FAAH2: variants seen among roughly 807,000 people sequenced by gnomAD.
FAAH2 encodes fatty acid amide hydrolase 2.
Under a neutral mutation model 36.9 loss-of-function variants are expected in FAAH2, and 60 were observed. The observed-to-expected ratio is 1.63, with a 90% CI of 1.32 to 2.02. The LOEUF (loss-of-function observed/expected upper bound fraction) is 2.02, where lower values mean the gene tolerates loss of function less well. FAAH2 is among the 30% of genes most tolerant of loss of function. FAAH2 has a pLI of 0.00. For missense variants in FAAH2, 689 were observed against 397.5 expected, an observed-to-expected ratio of 1.73 and a Z score of -6.23; for synonymous variants, 214 against 143.8, an observed-to-expected ratio of 1.49 and a Z score of -3.49.
intron 10 of FAAH2, among the ~76,000 whole-genome samples, chrX:57,474,199 T>C (rs1438552385): frequency 5.4e-5 from 6 of 111,747 alleles, no homozygotes; most frequent in Non-Finnish European, 9.4e-5. Context: ...TGGTGATTTT[T>C]TTAAAATTTT....
intron 7 of FAAH2, among the ~76,000 whole-genome samples, chrX:57,404,369 A>G (rs1275333388): frequency 8.9e-6 from 1 of 112,189 alleles, no homozygotes; most frequent in African/African-American, 3.2e-5. Flanking sequence ...GTGGAAGGAC[A>G]TTCGCTCATT....
chrX:57,446,730 C>T (rs1378240148), intron 8 of FAAH2, among the ~76,000 whole-genome samples, 198 bp from the exon 9 acceptor site: 1 of 111,623 alleles, frequency 9.0e-6, no homozygotes, highest in Non-Finnish European at 1.9e-5. Context: ...CAAGTTTTAT[C>T]TATATTGTAT....
the FAAH2 span, among the ~76,000 whole-genome samples, chrX:57,270,967 C>T: frequency 3.4e-4 from 38 of 112,038 alleles, no homozygotes; most frequent in African/African-American, 1.2e-3. Flanking sequence ...GCATAGAATG[C>T]CAATGAGACA....
intron 5 of FAAH2, among the ~76,000 whole-genome samples, chrX:57,357,096 T>C (rs1357171555): frequency 9.0e-6 from 1 of 111,543 alleles, no homozygotes; most frequent in Non-Finnish European, 1.9e-5. Context: ...AGATTTCCTA[T>C]TTAATAAATG....
At chrX:57,181,401 AAATC>A in the FAAH2 span, among the ~76,000 whole-genome samples, 2 of 112,028 alleles carry the variant, frequency 1.8e-5, no homozygotes, top group South Asian at 7.4e-4. Context: ...TTAGAATTTG[AAATC>A]AATGTACAAA....
chrX:57,413,270 T>C (rs1194399605), intron 7 of FAAH2, among the ~76,000 whole-genome samples: 1 of 112,443 alleles, frequency 8.9e-6, no homozygotes, highest in East Asian at 2.8e-4. Flanking sequence ...CCATTGCTTT[T>C]GGTGTTTTAG....
At chrX:57,455,624 A>T (rs990330835) in intron 10 of FAAH2, among the ~76,000 whole-genome samples, 1 of 112,111 alleles carries the variant, frequency 8.9e-6, no homozygotes, top group Non-Finnish European at 1.9e-5. Flanking sequence ...CAAATAGAAA[A>T]CAACAACAAC....
chrX:57,328,319 C>G (rs1034943172), intron 3 of FAAH2, among the ~76,000 whole-genome samples: 3 of 111,892 alleles, frequency 2.7e-5, no homozygotes, highest in African/African-American at 9.8e-5. Flanking sequence ...TGTCCATTCT[C>G]AGATCTCAAG....
the FAAH2 span, among the ~76,000 whole-genome samples, chrX:57,173,785 T>A: frequency 1.8e-5 from 2 of 111,960 alleles, no homozygotes; most frequent in Non-Finnish European, 3.8e-5. Context: ...AAAGAAATGC[T>A]AGATATTATT....
At chrX:57,304,694 A>G (rs1379922131) in intron 2 of FAAH2, among the ~76,000 whole-genome samples, 1 of 111,983 alleles carries the variant, frequency 8.9e-6, no homozygotes, top group Non-Finnish European at 1.9e-5. Flanking sequence ...AGTTATATTT[A>G]TAAAGGGAAA....
the FAAH2 span, among the ~76,000 whole-genome samples, chrX:57,209,807 G>A: frequency 9.0e-6 from 1 of 111,196 alleles, no homozygotes; most frequent in Non-Finnish European, 1.9e-5. Flanking sequence ...GTTATTTAGG[G>A]CCCCATAGCA....
chrX:57,356,926 C>G (rs1462964345), intron 5 of FAAH2, among the ~76,000 whole-genome samples: 1 of 110,835 alleles, frequency 9.0e-6, no homozygotes, highest in Non-Finnish European at 1.9e-5. Flanking sequence ...TTTTCTACTG[C>G]TATCCCTCCC....
intron 7 of FAAH2, among the ~76,000 whole-genome samples, chrX:57,397,608 T>C (rs932944018): frequency 9.0e-6 from 1 of 111,196 alleles, no homozygotes; most frequent in Admixed American, 9.5e-5. Context: ...CAATCTCTAC[T>C]GGCTTGGTAG....
At chrX:57,441,369 A>G (rs765811819) in intron 8 of FAAH2, among the ~76,000 whole-genome samples, 1 of 110,549 alleles carries the variant, frequency 9.0e-6, no homozygotes, top group African/African-American at 3.3e-5. Flanking sequence ...TTTCTTCTAG[A>G]TTTTCTAGTT....
intron 7 of FAAH2, among the ~76,000 whole-genome samples, chrX:57,415,601 G>A (rs112636111): frequency 6.2e-4 from 69 of 111,469 alleles, no homozygotes; most frequent in African/African-American, 2.1e-3. Flanking sequence ...TCTTTGTTTT[G>A]ATTTTCATTC....
chrX:57,400,482 T>G (rs1157097175), intron 7 of FAAH2, among the ~76,000 whole-genome samples: 2 of 112,510 alleles, frequency 1.8e-5, no homozygotes, highest in African/African-American at 6.4e-5. Flanking sequence ...ACACTGGGAC[T>G]TGGGTTAGAG....
At chrX:57,414,227 G>A (rs1218554458) in intron 7 of FAAH2, among the ~76,000 whole-genome samples, 4 of 111,706 alleles carry the variant, frequency 3.6e-5, no homozygotes, top group African/African-American at 1.3e-4. Context: ...GATTGCCCTG[G>A]CCAGAAATTC....
At chrX:57,442,402 G>T (rs1374318021) in intron 8 of FAAH2, among the ~76,000 whole-genome samples, 1 of 111,422 alleles carries the variant, frequency 9.0e-6, no homozygotes, top group Non-Finnish European at 1.9e-5. Flanking sequence ...TTGGTTTAAA[G>T]TCTGTTTTAT....
At chrX:57,328,928 G>A (rs2053310401) in intron 3 of FAAH2, among the ~76,000 whole-genome samples, 1 of 111,439 alleles carries the variant, frequency 9.0e-6, no homozygotes, top group Non-Finnish European at 1.9e-5. Context: ...GAACCTTCTG[G>A]GAGGGCTGAG....
Sources: allele counts gnomAD v4.1 joint callset (sites outside exome capture counted in the v4.1 genomes callset), GRCh38; gene constraint gnomAD v4.1.1; transcripts MANE v1.5; gene names NCBI Gene and HGNC (gene_info 2026-07-23, HGNC 2026-07-21).